Variants in ZDHHC18 observed in about 807,000 individuals in gnomAD.
ZDHHC18 encodes palmitoyltransferase ZDHHC18.
ZDHHC18 carries 23 observed loss-of-function variants against 37.5 expected under a neutral mutation model. That is an observed-to-expected ratio of 0.61 (90% confidence interval 0.44 to 0.87). ZDHHC18 has a LOEUF of 0.87. Among genes scored for constraint, ZDHHC18 ranks in the 40% least tolerant of loss-of-function variants. ZDHHC18 has a pLI of 0.00. For synonymous variants in ZDHHC18, 185 were observed against 218.7 expected (o/e 0.85, Z 1.36); for missense variants, 406 against 525.6 (o/e 0.77, Z 2.22).
At chr1:26,844,433 A>G (rs938379172) in intron 2 of ZDHHC18, among the ~76,000 whole-genome samples, 1 of 152,188 alleles carries the variant, frequency 6.6e-6, no homozygotes, top group Non-Finnish European at 1.5e-5. Flanking sequence ...TGAATATACT[A>G]CTTTTTAAAA....
chr1:26,837,321 CAT>C (rs1229093830), intron 2 of ZDHHC18, among the ~76,000 whole-genome samples: 7 of 145,672 alleles, frequency 4.8e-5, no homozygotes, highest in South Asian at 4.3e-4. Flanking sequence ...TAATATATAA[CAT>C]ATTTAATATG....
intron 2 of ZDHHC18, among the ~76,000 whole-genome samples, chr1:26,836,463 T>G (rs2081611931): frequency 6.6e-6 from 1 of 152,122 alleles, no homozygotes; most frequent in South Asian, 2.1e-4. Flanking sequence ...CCCACAGAAT[T>G]TGGGTGACTC....
rs1207768826 is a variant in ZDHHC18 at position 26,848,710 on chromosome 1, T to G, written c.599T>G (p.Phe200Cys). The change falls in exon 3 of 8, where the codon TTC (phenylalanine) becomes TGC (cysteine). Residue 200 changes from phenylalanine (F) to cysteine (C), a missense_variant. Coordinates refer to ENST00000374142, the MANE Select transcript of ZDHHC18 (RefSeq NM_032283.3). ...KLKYCFTCKM[F>C]RPPRTSHCSV... ...AAGTACTGCTTCACCTGCAAGATGTTCCGGCCACCCCGAACCTCACACTGC... is the reference window on the plus strand; with the variant it reads ...AAGTACTGCTTCACCTGCAAGATGTGCCGGCCACCCCGAACCTCACACTGC... 5 of 1,614,014 alleles carry G rather than the reference T, an allele frequency of 3.1e-6. No individual in the cohort carries two copies. Among genetic ancestry groups the G allele is most frequent in the Non-Finnish European group, 4.2e-6 (5 of 1,179,996 alleles).
At chr1:26,847,597 A>T (rs1291492540) in intron 2 of ZDHHC18, among the ~76,000 whole-genome samples, 3 of 152,164 alleles carry the variant, frequency 2.0e-5, no homozygotes, top group African/African-American at 7.2e-5. Flanking sequence ...TGTTTTTCAA[A>T]ATAAGATCCA....
At position 26,853,747 on chromosome 1, in the gene ZDHHC18, T is replaced by G. The variant is rs1397118227; in HGVS notation, c.1071T>G (p.Phe357Leu). 6.2e-7 allele frequency: 1 copy of G among 1,614,100 alleles called. No individual in the cohort carries two copies. The highest frequency in any genetic ancestry group is 8.5e-7 in the Non-Finnish European group (1 of 1,180,022). Residue 357 changes from phenylalanine (F) to leucine (L), a missense_variant, in exon 8 of 8, where the codon TTT (phenylalanine) becomes TTG (leucine). Phe to Leu is a conservative substitution (Grantham distance 22). Coordinates refer to ENST00000374142, the MANE Select transcript of ZDHHC18 (RefSeq NM_032283.3). ...LPPSLIDRRG[F>L]VQSDTVLPSP... The stretch of plus-strand genomic sequence containing the variant: ...GAAGCCTAATTGACCGGAGGGGATT[T>G]GTGCAGTCCGACACCGTGTTGCCCT...
chr1:26,833,567 C>T (rs1451777363), intron 2 of ZDHHC18, among the ~76,000 whole-genome samples: 1 of 152,120 alleles, frequency 6.6e-6, no homozygotes, highest in Non-Finnish European at 1.5e-5. Flanking sequence ...GCTGGAAAGA[C>T]CCTGTGCTCC....
At chr1:26,828,078 C>A (rs2081567415) in intron 1 of ZDHHC18, among the ~76,000 whole-genome samples, 1 of 152,084 alleles carries the variant, frequency 6.6e-6, no homozygotes, top group African/African-American at 2.4e-5. Flanking sequence ...CCCCGGTGAC[C>A]CAGGATTGGC....
intron 2 of ZDHHC18, among the ~76,000 whole-genome samples, chr1:26,835,680 A>G (rs917257683): frequency 3.9e-5 from 6 of 152,202 alleles, no homozygotes; most frequent in African/African-American, 1.2e-4. Context: ...CAGCCTGGTG[A>G]CAGAGCAAGA....
intron 7 of ZDHHC18, chr1:26,853,116 C>T (rs375677172): frequency 1.2e-4 from 46 of 394,546 alleles, no homozygotes; most frequent in East Asian, 1.1e-3. Context: ...TTCTACTCCC[C>T]GGGGGTAGCC....
At chr1:26,851,064 G>C (rs1022504915) in intron 5 of ZDHHC18, 65 bp from the exon 6 acceptor site, 2 of 1,460,414 alleles carry the variant, frequency 1.4e-6, no homozygotes, top group Non-Finnish European at 1.9e-6. Context: ...GGATAGGTGA[G>C]ACAGGCCAGG....
At chr1:26,847,670 CCTCT>C (rs1185410895) in intron 2 of ZDHHC18, among the ~76,000 whole-genome samples, 1 of 151,852 alleles carries the variant, frequency 6.6e-6, no homozygotes, top group Admixed American at 6.6e-5. Context: ...CTCCTCTCTG[CCTCT>C]CTTTCTCTCT....
At chr1:26,841,907 G>T (rs2081640744) in intron 2 of ZDHHC18, among the ~76,000 whole-genome samples, 1 of 152,020 alleles carries the variant, frequency 6.6e-6, no homozygotes, top group African/African-American at 2.4e-5. Context: ...AGGCCAAGGT[G>T]GGTGGATCAT....
At position 26,846,958 on chromosome 1, in the gene ZDHHC18, T is replaced by G. The variant is rs6686271; in HGVS notation, c.497-1650T>G. The stretch of plus-strand genomic sequence containing the variant: ...TCGCCCAGGCTGGAGTGCAGTGGCA[T>G]GATCTCGGCTCACTGCAAGCTCCGC... On this transcript the variant is annotated intron_variant, in intron 2 of 7. Transcript: ENST00000374142. Among the ~76,000 whole-genome samples, 6 of 151,452 alleles carry G rather than the reference T, an allele frequency of 4.0e-5. No individual in the cohort carries two copies. In the East Asian group the frequency reaches 9.8e-4, roughly 25 times the overall value.
In ZDHHC18 at chr1:26,832,678, G is replaced by A. The variant is rs1349370758; in HGVS notation, c.496+71G>A. 7 of 1,563,730 alleles carry A rather than the reference G, an allele frequency of 4.5e-6. No homozygotes were observed. The East Asian group carries it at 1.6e-4, about 35-fold the overall frequency. On this transcript the variant is annotated intron_variant, in intron 2 of 7. Transcript: ENST00000374142. ...ATTCCCTGACTTGGGAGGAGGCCTG[G>A]TTTTCTCTTCCAAAACTATACTAGG... is the stretch of plus-strand genomic sequence containing the variant.
chr1:26,852,597 C>T (rs1166746444), intron 6 of ZDHHC18, among the ~76,000 whole-genome samples, 156 bp from the exon 7 acceptor site: 8 of 152,208 alleles, frequency 5.3e-5, no homozygotes, highest in Admixed American at 5.2e-4. Flanking sequence ...CAGGGGTCCC[C>T]CACATTCTCA....
Position 26,847,160 on chromosome 1 carries a change from G to C in ZDHHC18, c.497-1448G>C, listed in dbSNP as rs2081674124. 2.0e-5 allele frequency among the ~76,000 whole-genome samples: 3 copies of C among 152,136 alleles called. No homozygotes were observed. In the South Asian group the frequency reaches 6.2e-4, roughly 32 times the overall value. On this transcript the variant is annotated intron_variant, in intron 2 of 7. Transcript: ENST00000374142. ...TCCGCCCGCCTCGGCCCCCCAAAGT[G>C]CTGGGGTTACAGATGTGAGCCACCA...
chr1:26,846,663 A>G (rs565665524), intron 2 of ZDHHC18, among the ~76,000 whole-genome samples: 1 of 152,036 alleles, frequency 6.6e-6, no homozygotes, highest in Non-Finnish European at 1.5e-5. Flanking sequence ...CAGAAAAAGC[A>G]GGAAGGATTA....
At chr1:26,842,764 G>A (rs1195008562) in intron 2 of ZDHHC18, among the ~76,000 whole-genome samples, 1 of 152,268 alleles carries the variant, frequency 6.6e-6, no homozygotes, top group African/African-American at 2.4e-5. Context: ...AGTTGAAAAT[G>A]TGAGACTGAA....
At chr1:26,843,626 A>C (rs1314521453) in intron 2 of ZDHHC18, among the ~76,000 whole-genome samples, 1 of 151,204 alleles carries the variant, frequency 6.6e-6, no homozygotes, top group Non-Finnish European at 1.5e-5. Context: ...CCATCTCTAC[A>C]AAAAAATACA....
Sources: gnomAD v4.1 joint callset for allele counts (sites outside exome capture counted in the v4.1 genomes callset) on GRCh38, gnomAD v4.1.1 for gene constraint, MANE v1.5 for transcripts, NCBI Gene and HGNC (gene_info 2026-07-23, HGNC 2026-07-21) for gene names.